The following HHLA2 variants were observed in gnomAD, a reference collection of about 807,000 sequenced individuals.
The protein encoded by HHLA2 is HHLA2 member of B7 family.
In HHLA2, 48 loss-of-function variants were observed where a neutral mutation model predicts 45.9. That is an observed-to-expected ratio of 1.05 (90% CI 0.83 to 1.33). HHLA2 has a LOEUF of 1.33. Among genes scored for constraint, HHLA2 ranks in the 40% most tolerant of loss-of-function variants. The pLI is 0.00. For synonymous variants in HHLA2, 161 were observed against 173.9 expected, an observed-to-expected ratio of 0.93 and a Z score of 0.59; for missense variants, 462 against 494.3, an observed-to-expected ratio of 0.93 and a Z score of 0.62.
At chr3:108,309,728 A>C (rs2080987088) in intron 1 of HHLA2, among the ~76,000 whole-genome samples, 1 of 152,054 alleles carries the variant, frequency 6.6e-6, no homozygotes, top group Non-Finnish European at 1.5e-5. Flanking sequence ...TGATAATGTT[A>C]ATCTCAATCA....
intron 3 of HHLA2, among the ~76,000 whole-genome samples, chr3:108,341,470 A>G (rs1320148362): frequency 6.6e-6 from 1 of 152,208 alleles, no homozygotes; most frequent in East Asian, 1.9e-4. Context: ...CTTCAAGATT[A>G]AAAGTGTTTT....
chr3:108,308,312 T>A (rs1377370082), intron 1 of HHLA2, among the ~76,000 whole-genome samples: 3 of 152,330 alleles, frequency 2.0e-5, no homozygotes, highest in Admixed American at 2.0e-4. Context: ...AATCTCCAGC[T>A]CCATCCATGT....
chr3:108,340,825 C>CT lies in HHLA2; in HGVS notation c.-26-10954dup, dbSNP rs528544512. ...GATCTCTTGAAAACAAGGATTTACTCTTTTTTTTTGTTTCTTTGAAAGAAA... is the reference window on the plus strand; with the variant it reads ...GATCTCTTGAAAACAAGGATTTACTCTTTTTTTTTTGTTTCTTTGAAAGAAA... On this transcript the variant is annotated intron_variant, in intron 3 of 10. Transcript: ENST00000619531. Among the ~76,000 whole-genome samples, 781 of 148,402 alleles carry CT rather than the reference C, an allele frequency of 5.3e-3. 5 individuals are homozygous for CT. The highest frequency in any genetic ancestry group is 0.015 in the East Asian group (77 of 5,066).
intron 2 of HHLA2, chr3:108,325,600 A>G: frequency 4.1e-6 from 1 of 241,118 alleles, no homozygotes; most frequent in South Asian, 6.2e-5. Context: ...TAGGAACTAG[A>G]GTTTCTGCCT....
chr3:108,351,641 A>G, intron 3 of HHLA2, 147 bp from the exon 3 acceptor site: 1 of 526,220 alleles, frequency 1.9e-6, no homozygotes, highest in South Asian at 3.0e-5. Context: ...TAACCTATTA[A>G]GAAATTCCTT....
chr3:108,343,104 A>G (rs904888638), intron 3 of HHLA2, among the ~76,000 whole-genome samples: 4 of 152,168 alleles, frequency 2.6e-5, no homozygotes, highest in African/African-American at 9.7e-5. Flanking sequence ...AACTTTCTGG[A>G]TGACAGTGTG....
At chr3:108,360,324 C>G (rs1003202071) in intron 7 of HHLA2, among the ~76,000 whole-genome samples, 1 of 152,148 alleles carries the variant, frequency 6.6e-6, no homozygotes, top group Admixed American at 6.5e-5. Flanking sequence ...GACTGCAAAA[C>G]TAACACAAAT....
chr3:108,376,553 A>C, exon 10 of HHLA2: 1 of 1,612,164 alleles, frequency 6.2e-7, no homozygotes, highest in South Asian at 1.1e-5. Flanking sequence ...GGCGAAGAAA[A>C]TGTGGTAAGG....
chr3:108,360,338 CTTCT>C (rs563234405), intron 7 of HHLA2, among the ~76,000 whole-genome samples: 83 of 152,270 alleles, frequency 5.5e-4, no homozygotes, highest in African/African-American at 1.9e-3. Context: ...CACAAATTTT[CTTCT>C]TTCTTTCTTC....
chr3:108,354,167 T>A (rs1320769254), intron 5 of HHLA2, among the ~76,000 whole-genome samples: 1 of 152,156 alleles, frequency 6.6e-6, no homozygotes, highest in South Asian at 2.1e-4. Context: ...GAAAAAATAT[T>A]GAATTGCTGA....
intron 2 of HHLA2, among the ~76,000 whole-genome samples, chr3:108,320,282 C>A (rs2081177056): frequency 6.6e-6 from 1 of 152,170 alleles, no homozygotes. Flanking sequence ...AGGCTTATTT[C>A]TTTTCCTTTT....
intron 2 of HHLA2, among the ~76,000 whole-genome samples, chr3:108,314,248 G>A (rs114806285): frequency 6.6e-6 from 1 of 151,816 alleles, no homozygotes; most frequent in Non-Finnish European, 1.5e-5. Flanking sequence ...GGAGGAGATT[G>A]GGGGAACAAC....
intron 2 of HHLA2, chr3:108,326,927 G>A (rs1193196696): frequency 6.6e-6 from 1 of 152,142 alleles, no homozygotes; most frequent in Admixed American, 6.6e-5. Flanking sequence ...ATCCCTTCCT[G>A]AATTTGAGCT....
At chr3:108,307,231 A>G (rs1284594127) in intron 1 of HHLA2, among the ~76,000 whole-genome samples, 1 of 152,144 alleles carries the variant, frequency 6.6e-6, no homozygotes, top group Admixed American at 6.5e-5. Flanking sequence ...AACTGCTTTT[A>G]TTGTATTCTA....
intron 3 of HHLA2, among the ~76,000 whole-genome samples, chr3:108,348,721 C>G (rs999870458): frequency 6.6e-6 from 1 of 151,778 alleles, no homozygotes; most frequent in Non-Finnish European, 1.5e-5. Flanking sequence ...CATAGGTATA[C>G]AGGTGCCCTG....
At chr3:108,318,731 A>G (rs2081145967) in intron 2 of HHLA2, among the ~76,000 whole-genome samples, 1 of 152,146 alleles carries the variant, frequency 6.6e-6, no homozygotes, top group African/African-American at 2.4e-5. Flanking sequence ...TCCTACCCAC[A>G]TATATTTTGC....
intron 1 of HHLA2, among the ~76,000 whole-genome samples, chr3:108,301,649 A>G (rs2080850762): frequency 6.6e-6 from 1 of 151,744 alleles, no homozygotes; most frequent in African/African-American, 2.4e-5. Context: ...TCCCTTTTGG[A>G]AGTTGAGGGT....
intron 1 of HHLA2, among the ~76,000 whole-genome samples, chr3:108,302,296 A>G (rs1321819135): frequency 3.9e-5 from 6 of 152,202 alleles, no homozygotes. Flanking sequence ...CCTGGAAACC[A>G]TGATTACTGG....
At chr3:108,303,417 C>T (rs1244473185) in intron 1 of HHLA2, among the ~76,000 whole-genome samples, 1 of 152,158 alleles carries the variant, frequency 6.6e-6, no homozygotes, top group Non-Finnish European at 1.5e-5. Context: ...TTTGCTAGCT[C>T]TACATTCTTA....
Sources: gnomAD v4.1 joint callset for allele counts (sites outside exome capture counted in the v4.1 genomes callset) on GRCh38, gnomAD v4.1.1 for gene constraint, MANE v1.5 for transcripts, NCBI Gene and HGNC (gene_info 2026-07-23, HGNC 2026-07-21) for gene names.